PACS1: variants seen among roughly 807,000 people sequenced by gnomAD.
PACS1 encodes the protein PACS-1.
PACS1 carries 24 observed loss-of-function variants against 115.0 expected under a neutral mutation model. That is an observed-to-expected ratio of 0.21 (90% CI 0.15 to 0.29). The LOEUF (loss-of-function observed/expected upper bound fraction) is 0.29. PACS1 is among the 10% of genes least tolerant of loss of function. The pLI is 1.00. For missense variants in PACS1, 838 were observed against 1,251.2 expected (o/e 0.67, Z 4.98); for synonymous variants, 453 against 504.5 (o/e 0.90, Z 1.37).
intron 2 of PACS1, among the ~76,000 whole-genome samples, chr11:66,197,340 A>G (rs1224073529): frequency 6.6e-6 from 1 of 152,140 alleles, no homozygotes; most frequent in African/African-American, 2.4e-5. Context: ...TAGTTTTTTC[A>G]TTAACGTTCT....
chr11:66,230,728 C>T, intron 12 of PACS1, 65 bp downstream of exon 12: 1 of 1,612,038 alleles, frequency 6.2e-7, no homozygotes, highest in Non-Finnish European at 8.5e-7. Flanking sequence ...GGCTTCAGGG[C>T]TGAGGGAAAG....
intron 1 of PACS1, among the ~76,000 whole-genome samples, chr11:66,135,759 C>T (rs1308228889): frequency 6.6e-6 from 1 of 151,746 alleles, no homozygotes; most frequent in Non-Finnish European, 1.5e-5. Flanking sequence ...TGGGTTCAAG[C>T]AATTCTTCTG....
rs1205420471 is a variant in PACS1, at chr11:66,233,960, G to A, written c.1993+21G>A. On this transcript the variant is annotated intron_variant, in intron 16 of 23. Coordinates refer to ENST00000320580, the MANE Select transcript of PACS1 (RefSeq NM_018026.4). This position sits in a 1 kb window ranked among gnomAD's most constrained non-coding sequence, Gnocchi z 4.5. The stretch of plus-strand genomic sequence containing the variant: ...CCTCGGTAAAGACGGGAGGCACCAG[G>A]AGGGCGTCGGGCATGAGGGTTCCAT... 3.8e-6 allele frequency: 6 copies of A among 1,567,106 alleles called. No homozygotes were observed. The highest frequency in any genetic ancestry group is 5.2e-6 in the Non-Finnish European group (6 of 1,153,516).
Position 66,152,303 on chromosome 11 carries a change from A to C in PACS1, c.357-41183A>C, listed in dbSNP as rs190905667. Among the ~76,000 whole-genome samples the C allele has an allele frequency of 2.6e-5, 4 of 152,346 alleles. No individual in the cohort carries two copies. In the East Asian group the frequency reaches 7.7e-4, roughly 29 times the overall value. Reference sequence around the variant, plus strand: ...GAGAAAAGAATCTGTGCCGTTGAAGATAGATCAATAGAAATTATCCCATCC... The same window carrying C: ...GAGAAAAGAATCTGTGCCGTTGAAGCTAGATCAATAGAAATTATCCCATCC... On this transcript the variant is annotated intron_variant, in intron 1 of 23. Coordinates refer to ENST00000320580, the MANE Select transcript of PACS1 (RefSeq NM_018026.4).
intron 7 of PACS1, chr11:66,219,470 G>T: frequency 1.7e-6 from 1 of 582,654 alleles, no homozygotes; most frequent in Non-Finnish European, 3.2e-6. Context: ...GGGATGAGCT[G>T]GAGACCCACA....
intron 1 of PACS1, among the ~76,000 whole-genome samples, chr11:66,073,887 G>C (rs1157921652): frequency 6.7e-6 from 1 of 149,940 alleles, no homozygotes; most frequent in Non-Finnish European, 1.5e-5. Context: ...CAAGTAGCTG[G>C]GACTATAGGC....
At chr11:66,191,553 G>A (rs1268739679) in intron 1 of PACS1, among the ~76,000 whole-genome samples, 4 of 152,134 alleles carry the variant, frequency 2.6e-5, no homozygotes, top group African/African-American at 7.2e-5. Flanking sequence ...TGTTGCATGC[G>A]TAGAACAGTG....
At chr11:66,224,387 G>A (rs1318487899) in intron 10 of PACS1, among the ~76,000 whole-genome samples, 3 of 152,150 alleles carry the variant, frequency 2.0e-5, no homozygotes, top group Non-Finnish European at 2.9e-5. Flanking sequence ...TACAAGGTAC[G>A]TGTTAAAGCT....
chr11:66,201,398 C>G (rs1335022118), intron 2 of PACS1, among the ~76,000 whole-genome samples: 1 of 151,944 alleles, frequency 6.6e-6, no homozygotes, highest in Non-Finnish European at 1.5e-5. Flanking sequence ...TTTCTTGAAG[C>G]AAATGATAAT....
intron 1 of PACS1, among the ~76,000 whole-genome samples, chr11:66,076,014 G>A (rs572353987): frequency 6.6e-6 from 1 of 152,212 alleles, no homozygotes; most frequent in Non-Finnish European, 1.5e-5. Flanking sequence ...TGGGATTACA[G>A]ACGTGAGCCA....
At chr11:66,072,986 T>A (rs997447587) in intron 1 of PACS1, among the ~76,000 whole-genome samples, 1 of 152,248 alleles carries the variant, frequency 6.6e-6, no homozygotes, top group Admixed American at 6.5e-5. Flanking sequence ...CCAGGCATCC[T>A]GATCAAATGT....
intron 22 of PACS1, among the ~76,000 whole-genome samples, chr11:66,242,012 CAGG>C (rs1191041259): frequency 1.3e-5 from 2 of 152,200 alleles, no homozygotes; most frequent in African/African-American, 4.8e-5. Flanking sequence ...CCCTGTGACG[CAGG>C]AGTAGAGAAC....
intron 1 of PACS1, among the ~76,000 whole-genome samples, chr11:66,164,047 G>A (rs914570183): frequency 3.9e-5 from 6 of 152,214 alleles, no homozygotes; most frequent in Non-Finnish European, 1.5e-5. Flanking sequence ...GGAGTCAAGT[G>A]AGGAGAGAAT....
At chr11:66,090,101 A>G (rs982293871) in intron 1 of PACS1, among the ~76,000 whole-genome samples, 7 of 151,802 alleles carry the variant, frequency 4.6e-5, no homozygotes, top group East Asian at 1.9e-4. Flanking sequence ...ACCAAGAGGA[A>G]ACCTCCTAAA....
intron 1 of PACS1, among the ~76,000 whole-genome samples, chr11:66,123,949 G>A (rs966946007): frequency 6.6e-6 from 1 of 151,748 alleles, no homozygotes; most frequent in African/African-American, 2.4e-5. Flanking sequence ...TGTCACTTGC[G>A]TTATTGCAGT....
At chr11:66,076,838 G>A (rs552301259) in intron 1 of PACS1, among the ~76,000 whole-genome samples, 80 of 152,310 alleles carry the variant, frequency 5.3e-4, no homozygotes, top group African/African-American at 1.8e-3. Flanking sequence ...GGAATGATTT[G>A]CCAACGTTGG....
intron 1 of PACS1, chr11:66,084,223 A>G (rs1857531066): frequency 6.6e-6 from 1 of 152,296 alleles, no homozygotes; most frequent in African/African-American, 2.4e-5. Context: ...CATGGAACAC[A>G]CATTTAGGTA....
intron 1 of PACS1, among the ~76,000 whole-genome samples, chr11:66,095,513 A>T (rs1857760391): frequency 6.6e-6 from 1 of 152,240 alleles, no homozygotes; most frequent in Non-Finnish European, 1.5e-5. Context: ...TCTGGAGTGC[A>T]GTGATGTGAT....
intron 2 of PACS1, among the ~76,000 whole-genome samples, chr11:66,200,048 CA>C (rs148337835): frequency 9.8e-5 from 14 of 142,486 alleles, no homozygotes; most frequent in African/African-American, 3.7e-4. Context: ...CAAAACAAAA[CA>C]AAAAAAAAAA....
Sources: gnomAD v4.1 joint callset for allele counts (sites outside exome capture counted in the v4.1 genomes callset) on GRCh38, gnomAD v4.1.1 for gene constraint, Gnocchi (gnomAD v3.1) non-coding constraint, MANE v1.5 for transcripts, NCBI Gene and HGNC (gene_info 2026-07-23, HGNC 2026-07-21) for gene names.